The following PPP2R5C variants were observed in gnomAD, a reference collection of about 807,000 sequenced individuals.
PPP2R5C encodes protein phosphatase 2 regulatory subunit B'gamma.
PPP2R5C carries 7 observed loss-of-function variants against 68.9 expected under a neutral mutation model. The observed-to-expected ratio is 0.10, with a 90% confidence interval of 0.06 to 0.19. The LOEUF (loss-of-function observed/expected upper bound fraction) is 0.19, where lower values mean the gene tolerates loss of function less well. Among genes scored for constraint, PPP2R5C ranks in the 10% least tolerant of loss-of-function variants. PPP2R5C has a pLI of 1.00. For synonymous variants in PPP2R5C, 210 were observed against 222.2 expected (o/e 0.95, Z 0.49); for missense variants, 348 against 641.3 (o/e 0.54, Z 4.94).
Position 101,917,979 on chromosome 14 carries a change from A to G in PPP2R5C, c.1443+32A>G, listed in dbSNP as rs2046780818. On this transcript the variant is annotated intron_variant, in intron 13 of 13. Transcript: ENST00000334743. The surrounding 1 kb of genome is among the most constrained non-coding windows in gnomAD (Gnocchi z 4.4). ...GTGCACCGAGCTCAGCTGGGCACCC[A>G]TGACTGATTTGCTTAAGAAATGCAC... is the stretch of plus-strand genomic sequence containing the variant. 2.5e-6 allele frequency: 4 copies of G among 1,613,022 alleles called. No individual in the cohort carries two copies. The South Asian group carries it at 3.3e-5, about 13-fold the overall frequency.
chr14:101,804,519 T>C (rs1212026774), intron 3 of PPP2R5C, among the ~76,000 whole-genome samples: 3 of 151,998 alleles, frequency 2.0e-5, no homozygotes, highest in Admixed American at 6.6e-5. Flanking sequence ...ATATACACAA[T>C]AGAGTACTAT....
At chr14:101,794,741 C>A (rs2038530377) in intron 3 of PPP2R5C, among the ~76,000 whole-genome samples, 1 of 152,126 alleles carries the variant, frequency 6.6e-6, no homozygotes, top group Non-Finnish European at 1.5e-5. Context: ...TATCATCGCT[C>A]TTGTAAATAG....
chr14:101,870,667 C>T (rs1474977774), intron 2 of PPP2R5C, among the ~76,000 whole-genome samples: 1 of 152,126 alleles, frequency 6.6e-6, no homozygotes, highest in Admixed American at 6.6e-5. Context: ...TTAAAATCAG[C>T]TTGTTATCTA....
intron 2 of PPP2R5C, among the ~76,000 whole-genome samples, chr14:101,860,061 A>G (rs111990388): frequency 1.6e-4 from 24 of 152,172 alleles, no homozygotes; most frequent in African/African-American, 5.8e-4. Context: ...CCTAGAATTC[A>G]CCCATTTAAA....
At chr14:101,902,132 A>G (rs2045722216) in intron 9 of PPP2R5C, among the ~76,000 whole-genome samples, 1 of 152,152 alleles carries the variant, frequency 6.6e-6, no homozygotes, top group Non-Finnish European at 1.5e-5. Flanking sequence ...CTTCTCTGTA[A>G]AGCTGTCTTT....
rs2046036298 is a variant in PPP2R5C, at chr14:101,906,587, T to G, written c.1151+58T>G. ...CATTTTAAAATATGGCACGTTTTAC[T>G]GCTACTTCAGTAAGAATAAATATCA... is the stretch of plus-strand genomic sequence containing the variant. On this transcript the variant is annotated intron_variant, in intron 10 of 13. Coordinates refer to ENST00000334743, the Ensembl canonical transcript of PPP2R5C. This position sits in a 1 kb window ranked among gnomAD's most constrained non-coding sequence, Gnocchi z 4.0. The G allele has an allele frequency of 6.6e-7, 1 of 1,523,124 alleles. No homozygotes were observed. Among genetic ancestry groups the G allele is most frequent in the African/African-American group, 1.4e-5 (1 of 71,782 alleles). 94.4% of individuals were successfully genotyped at this position (1,523,124 alleles called of 1,614,324 possible).
At chr14:101,802,878 C>A (rs1325195358) in intron 3 of PPP2R5C, among the ~76,000 whole-genome samples, 1 of 148,066 alleles carries the variant, frequency 6.8e-6, no homozygotes, top group Admixed American at 6.8e-5. Flanking sequence ...AGATCCTCAA[C>A]ATCTCTGTCA....
intron 2 of PPP2R5C, among the ~76,000 whole-genome samples, chr14:101,763,458 C>T (rs2139916290): frequency 6.6e-6 from 1 of 152,078 alleles, no homozygotes; most frequent in East Asian, 1.9e-4. Flanking sequence ...TCTTGGCTCA[C>T]TGCAACCTCT....
At chr14:101,835,000 AGT>A (rs1491127842) in intron 1 of PPP2R5C, among the ~76,000 whole-genome samples, 6 of 152,108 alleles carry the variant, frequency 3.9e-5, no homozygotes, top group Admixed American at 3.9e-4. Flanking sequence ...GGCTTGGAGA[AGT>A]GTTTTGTTTT....
At chr14:101,920,644 A>C (rs973485407) in intron 13 of PPP2R5C, among the ~76,000 whole-genome samples, 3 of 152,246 alleles carry the variant, frequency 2.0e-5, no homozygotes, top group African/African-American at 7.2e-5. Flanking sequence ...ATCCTCAAGA[A>C]GTTGAGAAAG....
At position 101,762,990 on chromosome 14, in the gene PPP2R5C, G is replaced by T; in HGVS notation, c.93+20G>T. 6.5e-7 allele frequency: 1 copy of T among 1,550,274 alleles called. No homozygotes were observed. Among genetic ancestry groups the T allele is most frequent in the South Asian group, 1.2e-5 (1 of 84,164 alleles). ...TCAGAGGTAACTGTCATCAAATATT[G>T]ACTTTGTATTTTATACACAGCTTTT... is the stretch of plus-strand genomic sequence containing the variant. On this transcript the variant is annotated intron_variant, in intron 2 of 14. Coordinates refer to the PPP2R5C transcript ENST00000328724.
intron 1 of PPP2R5C, among the ~76,000 whole-genome samples, chr14:101,823,453 C>G (rs539081586): frequency 6.6e-6 from 1 of 152,294 alleles, no homozygotes; most frequent in South Asian, 2.1e-4. Context: ...CCAGTTTACT[C>G]GGAGTAATTC....
intron 2 of PPP2R5C, among the ~76,000 whole-genome samples, chr14:101,878,008 T>C (rs867019374): frequency 2.6e-5 from 4 of 152,226 alleles, no homozygotes; most frequent in Admixed American, 6.5e-5. Context: ...TTCTAGAGGC[T>C]GGAAAGTCTA....
chr14:101,762,459 G>GGGT (rs2036601886), intron 1 of PPP2R5C, among the ~76,000 whole-genome samples: 2 of 151,850 alleles, frequency 1.3e-5, no homozygotes, highest in Admixed American at 1.3e-4. Context: ...TTATTATCCT[G>GGGT]GGTGGCGGCG....
intron 2 of PPP2R5C, among the ~76,000 whole-genome samples, chr14:101,782,277 C>CCCTCTCTCTCTCCCCCTTCT (rs1566832200): frequency 7.4e-4 from 1 of 1,350 alleles, no homozygotes; most frequent in Non-Finnish European, 1.8e-3. Flanking sequence ...CTCCCCATTC[C>CCCTCTCTCTCTCCCCCTTCT]CCTCCCTCTC....
chr14:101,877,540 C>T lies in PPP2R5C; in HGVS notation c.295-4621C>T, dbSNP rs975112056. On this transcript the variant is annotated intron_variant, in intron 2 of 13. Transcript: ENST00000334743. This position sits in a 1 kb window ranked among gnomAD's most constrained non-coding sequence, Gnocchi z 4.2. The stretch of plus-strand genomic sequence containing the variant: ...TGATGTCTTCTCTGTTTCCTCAGAC[C>T]GGATCCATGCATCCAGGTAGCATGG... Among the ~76,000 whole-genome samples the T allele has an allele frequency of 7.2e-5, 11 of 152,204 alleles. No individual in the cohort carries two copies. In the East Asian group the frequency reaches 1.7e-3, roughly 24 times the overall value.
intron 13 of PPP2R5C, among the ~76,000 whole-genome samples, chr14:101,924,243 AG>A (rs1322977560): frequency 6.6e-6 from 1 of 152,100 alleles, no homozygotes; most frequent in African/African-American, 2.4e-5. Flanking sequence ...CTTTTATTGC[AG>A]ATACAGTTAT....
At chr14:101,836,634 T>C in intron 1 of PPP2R5C, 1 of 460,052 alleles carries the variant, frequency 2.2e-6, no homozygotes. Flanking sequence ...TTTCTATAAT[T>C]TCAGTTACAT....
chr14:101,830,241 C>T (rs12432614), intron 1 of PPP2R5C, among the ~76,000 whole-genome samples: 15,712 of 152,252 alleles, frequency 0.1, 897 homozygotes, highest in Admixed American at 0.15. Flanking sequence ...CTGTTACCAA[C>T]TCATGTTTTA....
Sources: allele counts gnomAD v4.1 joint callset (sites outside exome capture counted in the v4.1 genomes callset), GRCh38; gene constraint gnomAD v4.1.1; non-coding constraint Gnocchi (gnomAD v3.1); transcripts MANE v1.5; gene names NCBI Gene and HGNC (gene_info 2026-07-23, HGNC 2026-07-21).